FSHR: variants seen among roughly 807,000 people sequenced by gnomAD.
FSHR encodes follicle stimulating hormone receptor.
A neutral mutation model predicts 52.1 loss-of-function variants in FSHR; 46 were observed. The ratio of observed to expected loss-of-function variants is 0.88; its 90% confidence interval spans 0.70 to 1.13. The LOEUF is 1.13. FSHR is among the 50% of genes most tolerant of loss of function. FSHR has a pLI of 0.00. For missense variants in FSHR, 964 were observed against 834.6 expected (o/e 1.16, Z -1.91); for synonymous variants, 399 against 309.6 (o/e 1.29, Z -3.03).
intron 2 of FSHR, among the ~76,000 whole-genome samples, chr2:49,027,518 A>T (rs1349968504): frequency 6.6e-6 from 1 of 152,162 alleles, no homozygotes; most frequent in African/African-American, 2.4e-5. Context: ...TAGGATAATT[A>T]TTTGGGAAAG....
At chr2:49,152,684 G>A (rs1263968982) in intron 1 of FSHR, among the ~76,000 whole-genome samples, 1 of 152,128 alleles carries the variant, frequency 6.6e-6, no homozygotes, top group African/African-American at 2.4e-5. Context: ...GGATGACACT[G>A]CTTGACCCAC....
At chr2:48,981,884 TG>T in intron 8 of FSHR, among the ~76,000 whole-genome samples, 1 of 152,162 alleles carries the variant, frequency 6.6e-6, no homozygotes, top group South Asian at 2.1e-4. Flanking sequence ...TTCAGGCAGG[TG>T]GCTTCTAAAC....
At chr2:49,037,103 A>G (rs1397196886) in intron 2 of FSHR, among the ~76,000 whole-genome samples, 1 of 152,206 alleles carries the variant, frequency 6.6e-6, no homozygotes, top group African/African-American at 2.4e-5. Context: ...TGGAGTAAGG[A>G]AAATCTTCCC....
intron 2 of FSHR, among the ~76,000 whole-genome samples, chr2:49,031,792 A>G (rs1410558282): frequency 1.3e-5 from 2 of 152,214 alleles, no homozygotes; most frequent in East Asian, 3.8e-4. Context: ...CATCTTTGAA[A>G]TGGGGATAAT....
intron 1 of FSHR, 81 bp downstream of exon 1, chr2:49,154,185 T>G (rs903756975): frequency 7.0e-7 from 1 of 1,437,406 alleles, no homozygotes; most frequent in Non-Finnish European, 9.8e-7. Flanking sequence ...CTAACAGATA[T>G]CAGCCTAATG....
chr2:49,059,552 T>C (rs1018474531), intron 2 of FSHR: 69 of 152,596 alleles, frequency 4.5e-4, no homozygotes, highest in African/African-American at 1.6e-3. Flanking sequence ...TAAATGATGC[T>C]GGGAAAACTG....
intron 1 of FSHR, among the ~76,000 whole-genome samples, chr2:49,075,699 C>T (rs549803848): frequency 2.0e-5 from 3 of 152,102 alleles, no homozygotes; most frequent in African/African-American, 7.2e-5. Context: ...ATAATCATGG[C>T]TTATTGCAGC....
At chr2:49,047,496 A>C (rs755011707) in intron 2 of FSHR, among the ~76,000 whole-genome samples, 5 of 152,258 alleles carry the variant, frequency 3.3e-5, no homozygotes, top group Admixed American at 3.3e-4. Flanking sequence ...GTGTATGTAC[A>C]CACAGACTTT....
intron 2 of FSHR, among the ~76,000 whole-genome samples, chr2:49,048,686 T>C (rs1327725983): frequency 6.6e-6 from 1 of 152,214 alleles, no homozygotes; most frequent in Non-Finnish European, 1.5e-5. Context: ...TCTGCTTCAT[T>C]CATTTAGGCT....
intron 8 of FSHR, among the ~76,000 whole-genome samples, chr2:48,982,451 G>T (rs1473880079): frequency 1.3e-5 from 2 of 152,170 alleles, no homozygotes; most frequent in African/African-American, 4.8e-5. Flanking sequence ...ATGGAGAATT[G>T]TGCTTTCCTT....
At chr2:49,058,057 TATC>T (rs1669130249) in intron 2 of FSHR, among the ~76,000 whole-genome samples, 1 of 152,214 alleles carries the variant, frequency 6.6e-6, no homozygotes, top group African/African-American at 2.4e-5. Context: ...CTTCAGCTAA[TATC>T]ATGTGGATTG....
At chr2:49,036,388 G>A (rs1668272253) in intron 2 of FSHR, among the ~76,000 whole-genome samples, 1 of 151,208 alleles carries the variant, frequency 6.6e-6, no homozygotes, top group African/African-American at 2.4e-5. Flanking sequence ...CTTAAACATT[G>A]TTATATATAA....
At chr2:49,003,515 T>C (rs1052225489) in intron 4 of FSHR, among the ~76,000 whole-genome samples, 11 of 152,110 alleles carry the variant, frequency 7.2e-5, no homozygotes, top group African/African-American at 2.4e-4. Context: ...ATCAAGAGTT[T>C]GGGGGCAGCT....
intron 4 of FSHR, among the ~76,000 whole-genome samples, chr2:49,010,469 G>A (rs1175587478): frequency 6.6e-6 from 1 of 152,150 alleles, no homozygotes; most frequent in African/African-American, 2.4e-5. Context: ...TGTTCATCAG[G>A]GATATTGGTC....
intron 1 of FSHR, among the ~76,000 whole-genome samples, chr2:49,110,385 C>T (rs189381911): frequency 6.6e-6 from 1 of 152,220 alleles, no homozygotes; most frequent in African/African-American, 2.4e-5. Flanking sequence ...TATACTGTCT[C>T]TGCATACTAA....
At chr2:49,127,439 G>T (rs1390229590) in intron 1 of FSHR, among the ~76,000 whole-genome samples, 1 of 151,988 alleles carries the variant, frequency 6.6e-6, no homozygotes, top group Non-Finnish European at 1.5e-5. Flanking sequence ...GCATCATGGA[G>T]AAAAAGGAAA....
chr2:49,136,390 GA>G (rs1349938705), intron 1 of FSHR, among the ~76,000 whole-genome samples: 1 of 152,010 alleles, frequency 6.6e-6, no homozygotes, highest in East Asian at 1.9e-4. Flanking sequence ...TACTTGCAAA[GA>G]AAATGCCAGA....
chr2:48,993,364 A>G (rs1342077026), intron 4 of FSHR, among the ~76,000 whole-genome samples: 4 of 152,194 alleles, frequency 2.6e-5, no homozygotes, highest in African/African-American at 7.2e-5. Context: ...ATTGCTATCC[A>G]TCAATTTTAA....
At chr2:49,034,854 C>T (rs1402474675) in intron 2 of FSHR, among the ~76,000 whole-genome samples, 1 of 152,262 alleles carries the variant, frequency 6.6e-6, no homozygotes, top group African/African-American at 2.4e-5. Context: ...TTTCTCACCC[C>T]TGGAGAAATA....
Sources: allele counts gnomAD v4.1 joint callset (sites outside exome capture counted in the v4.1 genomes callset), GRCh38; gene constraint gnomAD v4.1.1; transcripts MANE v1.5; gene names NCBI Gene and HGNC (gene_info 2026-07-23, HGNC 2026-07-21).